UBE2F: variants seen among roughly 807,000 people sequenced by gnomAD.
UBE2F encodes ubiquitin conjugating enzyme E2 F (putative), also known as NEDD8-conjugating enzyme UBE2F.
A neutral mutation model predicts 29.6 loss-of-function variants in UBE2F; 5 were observed. The observed-to-expected ratio is 0.17, with a 90% CI of 0.09 to 0.36. UBE2F has a LOEUF of 0.36. Ranked by LOEUF, UBE2F falls within the 10% of genes least tolerant of loss-of-function variation. The pLI is 1.00. For synonymous variants in UBE2F, 66 were observed against 81.8 expected, an observed-to-expected ratio of 0.81 and a Z score of 1.04; for missense variants, 141 against 228.5, an observed-to-expected ratio of 0.62 and a Z score of 2.47.
intron 5 of UBE2F, among the ~76,000 whole-genome samples, chr2:238,018,010 T>A (rs1228268706): frequency 2.0e-5 from 3 of 152,228 alleles, no homozygotes; most frequent in African/African-American, 7.2e-5. Context: ...AAATGTAATT[T>A]ATGGGGATAG....
At chr2:237,997,184 C>T (rs1347104330) in intron 4 of UBE2F, among the ~76,000 whole-genome samples, 1 of 151,856 alleles carries the variant, frequency 6.6e-6, no homozygotes, top group Non-Finnish European at 1.5e-5. Flanking sequence ...CTGAGATTGG[C>T]CCAGTGCACT....
At chr2:237,993,252 C>A (rs545196081) in intron 3 of UBE2F, among the ~76,000 whole-genome samples, 35 of 152,168 alleles carry the variant, frequency 2.3e-4, no homozygotes, top group Admixed American at 2.0e-3. Flanking sequence ...TCCCAAAGTT[C>A]TGGGATTACA....
intron 7 of UBE2F, 86 bp from the exon 8 acceptor site, chr2:238,032,136 T>C: frequency 1.9e-6 from 2 of 1,061,092 alleles, no homozygotes; most frequent in African/African-American, 1.6e-5. Context: ...TTTGATACAG[T>C]GCAAAGCATA....
chr2:237,994,639 C>A, intron 3 of UBE2F, 105 bp from the exon 4 acceptor site: 1 of 844,008 alleles, frequency 1.2e-6, no homozygotes, highest in South Asian at 1.5e-5. Context: ...ATAAACCATA[C>A]GAATCCCTGT....
intron 1 of UBE2F, chr2:237,968,903 A>G: frequency 1.1e-6 from 1 of 943,266 alleles, no homozygotes; most frequent in African/African-American, 1.8e-5. Context: ...TTCTGAAGCA[A>G]CTGCAGGTAT....
At chr2:238,010,181 GT>G (rs1029870298) in intron 4 of UBE2F, among the ~76,000 whole-genome samples, 1 of 149,558 alleles carries the variant, frequency 6.7e-6, no homozygotes, top group South Asian at 2.1e-4. Context: ...TATTTATTTG[GT>G]TTTTTTTTCG....
At chr2:238,008,568 G>A (rs1372841350) in intron 4 of UBE2F, among the ~76,000 whole-genome samples, 1 of 151,984 alleles carries the variant, frequency 6.6e-6, no homozygotes, top group African/African-American at 2.4e-5. Context: ...TCTTGATCAG[G>A]TTAATGAGAA....
intron 4 of UBE2F, among the ~76,000 whole-genome samples, chr2:238,003,179 TGAA>T (rs1430976647): frequency 6.6e-6 from 1 of 151,602 alleles, no homozygotes; most frequent in Admixed American, 6.6e-5. Context: ...GGGATAAATT[TGAA>T]GAAGCACAGT....
In UBE2F at chr2:238,041,000, T is replaced by G. The variant is rs2064825980; in HGVS notation, c.508-288T>G. On this transcript the variant is annotated intron_variant, in intron 9 of 9. Coordinates refer to ENST00000272930, the MANE Select transcript of UBE2F (RefSeq NM_080678.3). This position sits in a 1 kb window ranked among gnomAD's most constrained non-coding sequence, Gnocchi z 4.4. ...GACCACACTTTTCTGGGCTCCACTT[T>G]CCCCATCTGGAAAATGAGAAGGGAT... Among the ~76,000 whole-genome samples the G allele has an allele frequency of 6.6e-6, 1 of 152,094 alleles. No homozygotes were observed. Among genetic ancestry groups the G allele is most frequent in the South Asian group, 2.1e-4 (1 of 4,818 alleles).
At chr2:238,010,196 CAG>C (rs2106375127) in intron 4 of UBE2F, among the ~76,000 whole-genome samples, 1 of 151,566 alleles carries the variant, frequency 6.6e-6, no homozygotes, top group East Asian at 1.9e-4. Context: ...TTTTTCGATA[CAG>C]AGTCTTGCTT....
chr2:237,974,600 G>GC (rs756355313), intron 2 of UBE2F, among the ~76,000 whole-genome samples: 4 of 143,138 alleles, frequency 2.8e-5, no homozygotes, highest in Non-Finnish European at 6.0e-5. Context: ...TGCAACCTCT[G>GC]CCCCCAGGGT....
At chr2:237,993,815 G>C in intron 3 of UBE2F, among the ~76,000 whole-genome samples, 1 of 152,166 alleles carries the variant, frequency 6.6e-6, no homozygotes, top group East Asian at 1.9e-4. Context: ...GTAATTAGCT[G>C]TGTGTCATTT....
Position 237,967,082 on chromosome 2 carries a change from C to A in UBE2F, c.-67C>A, listed in dbSNP as rs1436294171. 7.5e-7 allele frequency: 1 copy of A among 1,334,700 alleles called. No homozygotes were observed. The highest frequency in any genetic ancestry group is 9.6e-7 in the Non-Finnish European group (1 of 1,040,472). The allele number at this position is 1,334,700 out of a possible 1,614,324, so 82.7% of individuals were successfully genotyped here. A position where few individuals can be genotyped will look rare whatever the true frequency, so the allele number is the denominator to read the frequency against. ...CGCGTCTCGCAGCAGCCGCCCGGAC[C>A]GGGCATGGTGTTGGGCGCCGGGCCC... On this transcript the variant is annotated 5_prime_UTR_variant, in exon 1 of 10. Transcript: ENST00000272930. This position sits in a 1 kb window ranked among gnomAD's most constrained non-coding sequence, Gnocchi z 6.3.
chr2:238,015,836 A>C (rs536398599), intron 4 of UBE2F, among the ~76,000 whole-genome samples: 1 of 152,296 alleles, frequency 6.6e-6, no homozygotes, highest in Admixed American at 6.5e-5. Context: ...TGCTGGCACC[A>C]GCAGCCACTT....
intron 2 of UBE2F, among the ~76,000 whole-genome samples, chr2:237,977,104 A>T (rs948834587): frequency 1.3e-5 from 2 of 152,166 alleles, no homozygotes; most frequent in African/African-American, 2.4e-5. Context: ...GACAGAGCCC[A>T]CTAAGACCTA....
At chr2:238,033,479 A>G (rs902672031) in intron 8 of UBE2F, among the ~76,000 whole-genome samples, 1 of 152,154 alleles carries the variant, frequency 6.6e-6, no homozygotes. Flanking sequence ...GGGCTGTTTT[A>G]TGAGCATCCT....
At chr2:238,032,326 C>G (rs1417807596) in intron 8 of UBE2F, 72 bp downstream of exon 8, 1 of 1,328,878 alleles carries the variant, frequency 7.5e-7, no homozygotes, top group Non-Finnish European at 1.1e-6. Flanking sequence ...TGCGTTAAGA[C>G]ATGGTTTTAA....
intron 4 of UBE2F, 127 bp downstream of exon 4, chr2:237,994,936 T>C (rs753302408): frequency 4.7e-5 from 33 of 704,700 alleles, no homozygotes; most frequent in Non-Finnish European, 6.4e-5. Context: ...AACAATTTCA[T>C]ATGAAGATAA....
rs1024071286 is a variant in UBE2F, at chr2:237,973,726, G to C, written c.118+501G>C. 3.1e-6 allele frequency: 4 copies of C among 1,279,728 alleles called. No homozygotes were observed. In the South Asian group the frequency reaches 3.9e-5, roughly 12 times the overall value. 79.3% of individuals were successfully genotyped at this position (1,279,728 alleles called of 1,614,324 possible). ...TAACATATAGTGTTCTAGAGTTTTC[G>C]TGACTTCTGCTATCCATGTTGGTGA... On this transcript the variant is annotated intron_variant, in intron 2 of 9. Transcript: ENST00000272930.
Sources: allele counts gnomAD v4.1 joint callset (sites outside exome capture counted in the v4.1 genomes callset), GRCh38; gene constraint gnomAD v4.1.1; non-coding constraint Gnocchi (gnomAD v3.1); transcripts MANE v1.5; gene names NCBI Gene and HGNC (gene_info 2026-07-23, HGNC 2026-07-21).